The following SLC9A6 variants were observed in gnomAD, a reference collection of about 807,000 sequenced individuals.
SLC9A6 encodes the protein solute carrier family 9 member A6.
Under a neutral mutation model 45.3 loss-of-function variants are expected in SLC9A6, and 6 were observed. The observed-to-expected ratio is 0.13, with a 90% CI of 0.07 to 0.26. The LOEUF (loss-of-function observed/expected upper bound fraction) is 0.26, where lower values mean the gene tolerates loss of function less well. Ranked by LOEUF, SLC9A6 falls within the 10% of genes least tolerant of loss-of-function variation. SLC9A6 has a pLI of 1.00. For missense variants in SLC9A6, 278 were observed against 503.7 expected (o/e 0.55, Z 4.29); for synonymous variants, 191 against 187.7 (o/e 1.02, Z -0.14).
At chrX:136,004,743 T>C (rs782528445) in intron 7 of SLC9A6, among the ~76,000 whole-genome samples, 19 of 112,304 alleles carry the variant, frequency 1.7e-4, no homozygotes, top group Non-Finnish European at 3.6e-4. Flanking sequence ...TTTTTGCAGC[T>C]GTCTGCAACT....
At chrX:136,036,668 C>T (rs2071417677) in intron 16 of SLC9A6, among the ~76,000 whole-genome samples, 1 of 112,690 alleles carries the variant, frequency 8.9e-6, no homozygotes, top group African/African-American at 3.2e-5. Flanking sequence ...TGCATGGCAC[C>T]ACATCCAGCT....
Position 136,022,636 on chromosome X carries a change from A to G in SLC9A6, c.1245A>G (p.Leu415=). The G allele has an allele frequency of 8.3e-7, 1 of 1,197,937 alleles. No homozygotes were observed. The highest frequency in any genetic ancestry group is 1.1e-6 in the Non-Finnish European group (1 of 885,939). The change falls in exon 12 of 18, where the codon TTA becomes TTG. Residue 415 remains leucine (L), a synonymous_variant. Transcript: ENST00000630721. ...RAANIYPLSL[L]LNLGRRSKIG... ...CCAATATTTACCCCTTGTCCCTCTTACTTAATTTGGGTAGAAGAAGTAAGA... is the reference window on the plus strand; with the variant it reads ...CCAATATTTACCCCTTGTCCCTCTTGCTTAATTTGGGTAGAAGAAGTAAGA...
At chrX:135,999,260 C>T (rs1475971902) in intron 6 of SLC9A6, among the ~76,000 whole-genome samples, 3 of 108,879 alleles carry the variant, frequency 2.8e-5, no homozygotes, top group African/African-American at 1.0e-4. Context: ...TCATGTTGGT[C>T]TTTATCCCTA....
chrX:136,010,287 A>C, intron 7 of SLC9A6, 155 bp from the exon 8 acceptor site: 1 of 408,991 alleles, frequency 2.4e-6, no homozygotes. Context: ...GATACATTGC[A>C]GGATTTTTGG....
chrX:135,997,204 G>A (rs2148148255), intron 3 of SLC9A6, among the ~76,000 whole-genome samples: 1 of 109,435 alleles, frequency 9.1e-6, no homozygotes, highest in South Asian at 3.9e-4. Context: ...TTACAGGCAT[G>A]CACCACCATA....
intron 2 of SLC9A6, among the ~76,000 whole-genome samples, chrX:135,987,819 C>T (rs2089363163): frequency 9.0e-6 from 1 of 111,003 alleles, no homozygotes; most frequent in Non-Finnish European, 1.9e-5. Context: ...AAGTCCCTTA[C>T]TCTCTTTTAC....
Position 136,016,716 on chromosome X carries a change from C to T in SLC9A6, c.1152C>T (p.Phe384=). 8.4e-7 allele frequency: 1 copy of T among 1,187,273 alleles called. No individual in the cohort carries two copies. The highest frequency in any genetic ancestry group is 1.1e-6 in the Non-Finnish European group (1 of 873,994). ...FSYMGLTLFT[F]QNHVFNPTFV... ...ACATGGGGCTGACACTGTTCACCTT[C>T]CAGAACCATGTCTTTAACCCAACAT... Residue 384 remains phenylalanine (F), a synonymous_variant, in exon 11 of 18, where the codon TTC becomes TTT. Coordinates refer to ENST00000630721, the MANE Select transcript of SLC9A6 (RefSeq NM_001379110.1).
chrX:136,002,011 G>A (rs1264609380), intron 6 of SLC9A6, 97 bp from the exon 7 acceptor site: 2 of 582,887 alleles, frequency 3.4e-6, no homozygotes, highest in East Asian at 3.3e-5. Flanking sequence ...ATTCTAGGAG[G>A]AAATGAATTT....
At chrX:136,010,236 A>G in intron 7 of SLC9A6, 2 of 224,554 alleles carry the variant, frequency 8.9e-6, no homozygotes, top group Non-Finnish European at 1.7e-5. Flanking sequence ...CCCCCCCCCG[A>G]AATTAACATT....
At chrX:135,976,603 CAAAAAAAAAAAAGAA>C (rs2089264395) in intron 1 of SLC9A6, among the ~76,000 whole-genome samples, 1 of 84,815 alleles carries the variant, frequency 1.2e-5, no homozygotes, top group East Asian at 3.5e-4. Context: ...ACTCCATTTC[CAAAAAAAAAAAAGAA>C]AAAAGAAAAA....
At chrX:136,042,736 T>TC (rs1667023905) in intron 17 of SLC9A6, among the ~76,000 whole-genome samples, 1 of 111,645 alleles carries the variant, frequency 9.0e-6, no homozygotes, top group African/African-American at 3.3e-5. Context: ...AGGCATATTG[T>TC]CCCATTACTT....
At chrX:136,033,895 T>C (rs1373249012) in intron 16 of SLC9A6, among the ~76,000 whole-genome samples, 3 of 111,987 alleles carry the variant, frequency 2.7e-5, no homozygotes, top group African/African-American at 9.7e-5. Flanking sequence ...AGCATGAGAA[T>C]GAAATCAAAA....
In SLC9A6 at chrX:135,985,655, A is replaced by G. The variant is rs782090744; in HGVS notation, c.-4A>G. 32 of 1,209,796 alleles carry G rather than the reference A, an allele frequency of 2.6e-5. No homozygotes were observed. The South Asian group carries it at 5.5e-4, about 21-fold the overall frequency. ...CGGACGGCGGCGGCGGAGAGGCTAG[A>G]GCCATGGACGAGGAGATCGTGTCCG... On this transcript the variant is annotated 5_prime_UTR_variant, in exon 2 of 18. Transcript: ENST00000630721.
intron 4 of SLC9A6, 76 bp downstream of exon 4, chrX:135,998,261 A>G (rs782626951): frequency 3.1e-4 from 207 of 674,195 alleles, no homozygotes; most frequent in Non-Finnish European, 4.3e-4. Context: ...CACTTCAGAA[A>G]TGGGCTGTTC....
chrX:136,008,238 A>AT (rs375887098), intron 7 of SLC9A6, among the ~76,000 whole-genome samples: 16 of 107,615 alleles, frequency 1.5e-4, no homozygotes, highest in African/African-American at 2.7e-4. Flanking sequence ...AAGACTATGA[A>AT]TTTTTTTTTT....
chrX:135,988,546 C>A (rs1422031238), intron 2 of SLC9A6, among the ~76,000 whole-genome samples: 2 of 72,776 alleles, frequency 2.7e-5, no homozygotes, highest in African/African-American at 1.0e-4. Flanking sequence ...TTCTTTCTTT[C>A]TTTTTTTGTG....
intron 1 of SLC9A6, among the ~76,000 whole-genome samples, chrX:135,976,035 C>T (rs1029618348): frequency 1.4e-4 from 15 of 107,745 alleles, no homozygotes; most frequent in Middle Eastern, 4.7e-3. Context: ...ATCATATTTC[C>T]TCAACTTTAC....
chrX:135,992,560 C>T (rs1462500755), intron 2 of SLC9A6, among the ~76,000 whole-genome samples: 1 of 111,965 alleles, frequency 8.9e-6, no homozygotes, highest in Admixed American at 9.5e-5. Flanking sequence ...GCCAGCCATA[C>T]TAAACTACTT....
At position 135,993,589 on chromosome X, in the gene SLC9A6, G is replaced by T. The variant is rs148915608; in HGVS notation, c.170-1197G>T. Among the ~76,000 whole-genome samples the T allele has an allele frequency of 7.0e-3, 782 of 111,310 alleles. 7 individuals are homozygous for T. The highest frequency in any genetic ancestry group is 0.025 in the African/African-American group (750 of 30,525). ...TTACAAGGTCAGGAGTTCGACCTTGGTCAGGAGCCTGGCCAACATGGTGAA... is the reference window on the plus strand; with the variant it reads ...TTACAAGGTCAGGAGTTCGACCTTGTTCAGGAGCCTGGCCAACATGGTGAA... On this transcript the variant is annotated intron_variant, in intron 2 of 17. Transcript: ENST00000630721.
Sources: gnomAD v4.1 joint callset for allele counts (sites outside exome capture counted in the v4.1 genomes callset) on GRCh38, gnomAD v4.1.1 for gene constraint, MANE v1.5 for transcripts, NCBI Gene and HGNC (gene_info 2026-07-23, HGNC 2026-07-21) for gene names.